Variants in LMF1 observed in about 807,000 individuals in gnomAD.
The protein encoded by LMF1 is transmembrane protein 112.
LMF1 carries 68 observed loss-of-function variants against 60.6 expected under a neutral mutation model. The observed-to-expected ratio is 1.12, with a 90% confidence interval of 0.92 to 1.37. The LOEUF (loss-of-function observed/expected upper bound fraction) is 1.37. Ranked by LOEUF, LMF1 falls within the 40% of genes most tolerant of loss-of-function variation. The pLI, the probability that LMF1 is intolerant of heterozygous loss-of-function variation, is 0.00. For missense variants in LMF1, 948 were observed against 767.2 expected (o/e 1.24, Z -2.78); for synonymous variants, 418 against 324.7 (o/e 1.29, Z -3.09).
At chr16:974,435 C>T (rs1216470798), upstream of LMF1, among the ~76,000 whole-genome samples, 1 of 152,168 alleles carries the variant, frequency 6.6e-6, no homozygotes, top group Admixed American at 6.5e-5. Context: ...CCAGGCTGAC[C>T]CAGGAGAGGC....
chr16:907,291 C>T (rs2070994539), intron 4 of LMF1, among the ~76,000 whole-genome samples: 1 of 151,968 alleles, frequency 6.6e-6, no homozygotes, highest in Non-Finnish European at 1.5e-5. Context: ...GTCCCAGCTA[C>T]TCGGGAGGCT....
At chr16:944,266 A>G (rs967234737) in intron 2 of LMF1, among the ~76,000 whole-genome samples, 7 of 150,056 alleles carry the variant, frequency 4.7e-5, no homozygotes, top group African/African-American at 1.8e-4. Flanking sequence ...CCAACCCTCA[A>G]AGACTCTACC....
intron 5 of LMF1, chr16:881,454 G>A (rs2070160876): frequency 6.6e-6 from 1 of 152,278 alleles, no homozygotes; most frequent in Admixed American, 6.5e-5. Flanking sequence ...GGTGGGTCAG[G>A]GCATGGCGGT....
chr16:919,868 C>A (rs2071386102), intron 3 of LMF1, among the ~76,000 whole-genome samples: 1 of 152,164 alleles, frequency 6.6e-6, no homozygotes, highest in Non-Finnish European at 1.5e-5. Context: ...CCCCACCCCA[C>A]AGCTCCGCCC....
intron 3 of LMF1, among the ~76,000 whole-genome samples, chr16:927,505 C>T (rs112590310): frequency 3.0e-4 from 45 of 152,342 alleles, no homozygotes; most frequent in African/African-American, 9.1e-4. Context: ...GGCAGCTGAG[C>T]GAGCTCACGG....
chr16:978,121 ACACACACCACAC>A (rs2073221268), intron 1 of LMF1, among the ~76,000 whole-genome samples: 1 of 117,338 alleles, frequency 8.5e-6, no homozygotes, highest in African/African-American at 3.7e-5. Context: ...CACACACCAT[ACACACACCACAC>A]CACACACATA....
At chr16:930,748 C>T (rs933888575) in intron 3 of LMF1, among the ~76,000 whole-genome samples, 6 of 152,212 alleles carry the variant, frequency 3.9e-5, no homozygotes, top group African/African-American at 9.7e-5. Flanking sequence ...CGCCGAGCCA[C>T]GAGCCCTCAG....
At chr16:900,373 C>T (rs772741050) in intron 4 of LMF1, 1 of 152,300 alleles carries the variant, frequency 6.6e-6, no homozygotes, top group Non-Finnish European at 1.5e-5. Context: ...GAAGGCCCTA[C>T]CTCTGGGTGC....
At chr16:860,364 G>GTTTTTTT in intron 10 of LMF1, among the ~76,000 whole-genome samples, 1 of 150,488 alleles carries the variant, frequency 6.6e-6, no homozygotes. Flanking sequence ...TTTTGAGATG[G>GTTTTTTT]GCTCTCGCTC....
chr16:945,269 C>T (rs537068398), intron 2 of LMF1, among the ~76,000 whole-genome samples: 2 of 149,218 alleles, frequency 1.3e-5, no homozygotes, highest in African/African-American at 5.0e-5. Context: ...TGCCTGTAAT[C>T]CTAGCACTTT....
At chr16:938,277 C>T (rs1191467447) in intron 2 of LMF1, among the ~76,000 whole-genome samples, 5 of 152,156 alleles carry the variant, frequency 3.3e-5, no homozygotes, top group South Asian at 4.2e-4. Context: ...CTTGTGGGGA[C>T]GGCAGGGATG....
intron 3 of LMF1, among the ~76,000 whole-genome samples, chr16:914,062 G>A (rs910843720): frequency 1.3e-5 from 2 of 152,110 alleles, no homozygotes; most frequent in African/African-American, 4.8e-5. Context: ...GATGGGCCGC[G>A]AGGCCTGGGC....
At chr16:928,644 T>TC (rs2071679538) in intron 3 of LMF1, among the ~76,000 whole-genome samples, 2 of 151,378 alleles carry the variant, frequency 1.3e-5, no homozygotes, top group African/African-American at 4.9e-5. Context: ...CCACAGGCAG[T>TC]CACCATCAAC....
At chr16:890,962 C>T (rs541971976) in intron 5 of LMF1, among the ~76,000 whole-genome samples, 12 of 152,358 alleles carry the variant, frequency 7.9e-5, no homozygotes, top group East Asian at 3.9e-4. Flanking sequence ...CCCTGTCCAC[C>T]GTCTCGGGCC....
chr16:884,578 T>C (rs2070252853), intron 5 of LMF1, among the ~76,000 whole-genome samples: 1 of 152,182 alleles, frequency 6.6e-6, no homozygotes, highest in African/African-American at 2.4e-5. Context: ...GGGAGAATGA[T>C]CACAGATGGA....
At chr16:916,916 C>T (rs1469636012) in intron 3 of LMF1, among the ~76,000 whole-genome samples, 3 of 152,168 alleles carry the variant, frequency 2.0e-5, no homozygotes, top group African/African-American at 7.2e-5. Flanking sequence ...CTGTTATGGC[C>T]ATTGCTCTGC....
chr16:879,476 C>G, intron 6 of LMF1, 94 bp downstream of exon 6: 1 of 1,441,644 alleles, frequency 6.9e-7, no homozygotes, highest in Middle Eastern at 2.3e-4. Flanking sequence ...GCCTGTAATG[C>G]CCCAGGGTCC....
At chr16:855,735 C>A (rs1271997706) in intron 10 of LMF1, 1 of 456,060 alleles carries the variant, frequency 2.2e-6, no homozygotes, top group Admixed American at 2.3e-5. Flanking sequence ...CTCTCATGGC[C>A]CCTGGAATGA....
At chr16:937,732 G>T (rs1400104884) in intron 2 of LMF1, among the ~76,000 whole-genome samples, 1 of 152,244 alleles carries the variant, frequency 6.6e-6, no homozygotes, top group Non-Finnish European at 1.5e-5. Flanking sequence ...AAGACTTCAT[G>T]TATAAATATT....
Sources: gnomAD v4.1 joint callset for allele counts (sites outside exome capture counted in the v4.1 genomes callset) on GRCh38, gnomAD v4.1.1 for gene constraint, MANE v1.5 for transcripts, NCBI Gene and HGNC (gene_info 2026-07-23, HGNC 2026-07-21) for gene names.